Variants in RFC1 observed in about 807,000 individuals in gnomAD.
The protein encoded by RFC1 is replication factor C subunit 1.
Under a neutral mutation model 137.4 loss-of-function variants are expected in RFC1, and 37 were observed. The ratio of observed to expected loss-of-function variants is 0.27; its 90% CI spans 0.21 to 0.35. RFC1 has a LOEUF of 0.35. Ranked by LOEUF, RFC1 falls within the 10% of genes least tolerant of loss-of-function variation. RFC1 has a pLI of 1.00. For synonymous variants in RFC1, 429 were observed against 455.7 expected (o/e 0.94, Z 0.75); for missense variants, 1,205 against 1,358.5 (o/e 0.89, Z 1.78).
chr4:39,343,972 G>T (rs1377127364), intron 3 of RFC1, among the ~76,000 whole-genome samples: 1 of 151,996 alleles, frequency 6.6e-6, no homozygotes, highest in Non-Finnish European at 1.5e-5. Flanking sequence ...AAATTAGCTG[G>T]GCATGGTGGT....
chr4:39,359,042 G>C (rs2109776712), intron 1 of RFC1, among the ~76,000 whole-genome samples: 1 of 152,224 alleles, frequency 6.6e-6, no homozygotes, highest in African/African-American at 2.4e-5. Context: ...CTTCAGCTGG[G>C]ACCTGCTTCT....
intron 21 of RFC1, among the ~76,000 whole-genome samples, chr4:39,296,250 C>CG (rs1737991276): frequency 7.5e-6 from 1 of 132,758 alleles, no homozygotes; most frequent in Admixed American, 7.5e-5. Context: ...TTTTTTTTTT[C>CG]TTTTTTTTTT....
intron 2 of RFC1, among the ~76,000 whole-genome samples, chr4:39,346,318 A>G (rs1281798715): frequency 1.3e-5 from 2 of 152,154 alleles, no homozygotes; most frequent in Non-Finnish European, 2.9e-5. Context: ...CTCTACTAAA[A>G]ATACAAAATT....
chr4:39,322,267 G>A (rs1470596791), intron 7 of RFC1: 1 of 152,020 alleles, frequency 6.6e-6, no homozygotes, highest in Non-Finnish European at 1.5e-5. Flanking sequence ...TATTAGCTGG[G>A]TGTGGTAACA....
At position 39,304,317 on chromosome 4, in the gene RFC1, C is replaced by T. The variant is rs17335285; in HGVS notation, c.2110+497G>A. 6.2e-3 allele frequency among the ~76,000 whole-genome samples: 942 copies of T among 152,310 alleles called. 13 individuals are homozygous for T. Among genetic ancestry groups the T allele is most frequent in the African/African-American group, 0.021 (887 of 41,550 alleles). ...CTTTTACTACCTTTGCCTGCAGTGACCTCTTCCACCTCCAAATAGTTTTCT... is the reference window on the plus strand; with the variant it reads ...CTTTTACTACCTTTGCCTGCAGTGATCTCTTCCACCTCCAAATAGTTTTCT... On this transcript the variant is annotated intron_variant, in intron 15 of 24. Coordinates refer to ENST00000349703, the MANE Select transcript of RFC1 (RefSeq NM_002913.5).
chr4:39,354,134 G>GT (rs369338807), intron 1 of RFC1, among the ~76,000 whole-genome samples: 2 of 152,182 alleles, frequency 1.3e-5, no homozygotes, highest in African/African-American at 4.8e-5. Context: ...TGATGGCAAC[G>GT]TAAGAGTTAA....
At position 39,316,986 on chromosome 4, in the gene RFC1, T is replaced by C. The variant is rs759294546; in HGVS notation, c.1132A>G (p.Asn378Asp). 158 of 1,613,952 alleles carry C rather than the reference T, an allele frequency of 9.8e-5. No individual in the cohort carries two copies. Among genetic ancestry groups the C allele is most frequent in the Non-Finnish European group, 1.3e-4 (154 of 1,179,922 alleles). The stretch of plus-strand genomic sequence containing the variant: ...AAGTAGCTTCGATAAGCTTGATAAT[T>C]AGTGCGTTTCTTTTCAGAATCTTCA... ...SPEDSEKKRT[N>D]YQAYRSYLNR... The change falls in exon 10 of 25, where the codon AAT becomes GAT. Residue 378 changes from asparagine to aspartate, a missense_variant. Physicochemically the swap from Asn to Asp is conservative, Grantham distance 23 (BLOSUM62 1). This residue lies in a region of RFC1 where 962 missense variants were observed against 1,035.3 expected (regional missense o/e 0.93). Transcript: ENST00000349703.
chr4:39,311,624 T>C, intron 11 of RFC1, 75 bp from the exon 12 acceptor site: 1 of 1,046,398 alleles, frequency 9.6e-7, no homozygotes, highest in Non-Finnish European at 1.4e-6. Context: ...AAAAAAAAAA[T>C]TCTAGGGCCT....
intron 1 of RFC1, among the ~76,000 whole-genome samples, chr4:39,364,263 A>AG (rs1391026674): frequency 1.3e-4 from 4 of 30,372 alleles, no homozygotes; most frequent in East Asian, 6.6e-3. Context: ...ACACAGTCTG[A>AG]GGGAAAAAAA....
At chr4:39,366,148 C>T in intron 1 of RFC1, 91 bp downstream of exon 1, 3 of 1,397,480 alleles carry the variant, frequency 2.1e-6, no homozygotes, top group South Asian at 1.3e-5. Context: ...CGCCATCCTC[C>T]CCCACCCTGC....
chr4:39,298,867 C>T (rs1275161436), intron 21 of RFC1, among the ~76,000 whole-genome samples: 1 of 152,092 alleles, frequency 6.6e-6, no homozygotes, highest in African/African-American at 2.4e-5. Context: ...GCCTGTAATC[C>T]CAGCACTTTG....
At chr4:39,345,589 C>G in intron 2 of RFC1, 113 bp from the exon 3 acceptor site, 1 of 734,508 alleles carries the variant, frequency 1.4e-6, no homozygotes. Flanking sequence ...GGCACGATCT[C>G]GGCTCACTGC....
At chr4:39,294,607 T>C (rs1180896736) in intron 22 of RFC1, among the ~76,000 whole-genome samples, 1 of 151,320 alleles carries the variant, frequency 6.6e-6, no homozygotes, top group African/African-American at 2.4e-5. Context: ...GAGGTGGAGC[T>C]TGCAGTGAGC....
At chr4:39,316,205 G>C (rs11722387) in intron 10 of RFC1, among the ~76,000 whole-genome samples, 38 of 152,144 alleles carry the variant, frequency 2.5e-4, no homozygotes, top group African/African-American at 7.9e-4. Flanking sequence ...ACTCCAGCCT[G>C]GGCAACAGGA....
chr4:39,324,943 G>A (rs1439099362), intron 6 of RFC1, among the ~76,000 whole-genome samples: 1 of 152,150 alleles, frequency 6.6e-6, no homozygotes, highest in Non-Finnish European at 1.5e-5. Context: ...TGACAGAGAT[G>A]AGCGCTCCTC....
intron 10 of RFC1, among the ~76,000 whole-genome samples, chr4:39,315,795 C>T (rs1228513610): frequency 6.6e-6 from 1 of 152,232 alleles, no homozygotes; most frequent in Admixed American, 6.5e-5. Context: ...ACTGCTCCCC[C>T]AGACCAGTCC....
rs759872405 is a variant in RFC1 at position 39,298,457 on chromosome 4, A to AT, written c.2808+1563dup. Among the ~76,000 whole-genome samples the AT allele has an allele frequency of 1.2e-4, 19 of 152,348 alleles. No individual in the cohort carries two copies. The South Asian group carries it at 3.7e-3, about 30-fold the overall frequency. On this transcript the variant is annotated intron_variant, in intron 21 of 24. Coordinates refer to ENST00000349703, the MANE Select transcript of RFC1 (RefSeq NM_002913.5). ...TTATTACTCAGGCCAATAATCCTGT[A>AT]TAACTATACAAAAGTCAAAAAGAAC... is the stretch of plus-strand genomic sequence containing the variant.
intron 17 of RFC1, 63 bp from the exon 18 acceptor site, chr4:39,302,658 ATATT>A: frequency 6.7e-7 from 1 of 1,500,312 alleles, no homozygotes; most frequent in Non-Finnish European, 9.0e-7. Context: ...TATTTTAAAA[ATATT>A]TATCAGGTAC....
At chr4:39,348,452 A>G (rs1270507727) in intron 2 of RFC1, among the ~76,000 whole-genome samples, 146 of 132,798 alleles carry the variant, frequency 1.1e-3, no homozygotes, top group Middle Eastern at 7.9e-3. Flanking sequence ...AAGAAAAGAA[A>G]AGAAAAGAAA....
Sources: gnomAD v4.1 joint callset for allele counts (sites outside exome capture counted in the v4.1 genomes callset) on GRCh38, gnomAD v4.1.1 for gene constraint, gnomAD v4.1.1 regional missense constraint, MANE v1.5 for transcripts, NCBI Gene and HGNC (gene_info 2026-07-23, HGNC 2026-07-21) for gene names.